Variants in ANKS1A observed in about 807,000 individuals in gnomAD.
ANKS1A encodes ankyrin repeat and sterile alpha motif domain containing 1A.
In ANKS1A, 55 loss-of-function variants were observed where a neutral mutation model predicts 120.3. That is an observed-to-expected ratio of 0.46 (90% CI 0.37 to 0.57). ANKS1A has a LOEUF of 0.57. Among genes scored for constraint, ANKS1A ranks in the 20% least tolerant of loss-of-function variants. The pLI, the probability that ANKS1A is intolerant of heterozygous loss-of-function variation, is 0.00. For missense variants in ANKS1A, 1,123 were observed against 1,480.3 expected, an observed-to-expected ratio of 0.76 and a Z score of 3.96; for synonymous variants, 590 against 604.7, an observed-to-expected ratio of 0.98 and a Z score of 0.36.
rs9380474 is a variant in ANKS1A at position 34,950,377 on chromosome 6, C to G, written c.198-16862C>G. 2.6e-5 allele frequency among the ~76,000 whole-genome samples: 4 copies of G among 151,946 alleles called. No individual in the cohort carries two copies. In the East Asian group the frequency reaches 7.7e-4, roughly 29 times the overall value. On this transcript the variant is annotated intron_variant, in intron 1 of 23. Transcript: ENST00000360359. ...TCAGGTAGCTGGGATTACGGGCACC[C>G]GCCACCACGCCCAGCTAATTTTTGT...
At chr6:35,040,855 G>A (rs762252545) in intron 11 of ANKS1A, among the ~76,000 whole-genome samples, 37 of 152,270 alleles carry the variant, frequency 2.4e-4, no homozygotes, top group African/African-American at 8.2e-4. Flanking sequence ...CTTCTCTCCC[G>A]TAGACCTCAG....
At chr6:34,933,313 G>A (rs566269250) in intron 1 of ANKS1A, among the ~76,000 whole-genome samples, 1 of 152,164 alleles carries the variant, frequency 6.6e-6, no homozygotes, top group Non-Finnish European at 1.5e-5. Flanking sequence ...TTTGACACTT[G>A]CTATTAGTAA....
chr6:34,959,548 A>G (rs1396102827), intron 1 of ANKS1A, among the ~76,000 whole-genome samples: 1 of 152,236 alleles, frequency 6.6e-6, no homozygotes, highest in Non-Finnish European at 1.5e-5. Context: ...GATAGGATAA[A>G]TATTGTGGTG....
rs1273875728 is a variant in ANKS1A at position 35,078,653 on chromosome 6, C to T, written c.2280C>T (p.Pro760=). The T allele has an allele frequency of 1.9e-6, 3 of 1,601,424 alleles. No individual in the cohort carries two copies. The highest frequency in any genetic ancestry group is 1.7e-6 in the Non-Finnish European group (2 of 1,179,870). The part of the protein sequence containing the change: ...RKLLQAARSL[P]KVKALGYDGN... ...TGCTCCAGGCGGCACGCTCCCTACC[C>T]AAGGTGACCATCGCCGGCCCTGTAG... is the stretch of plus-strand genomic sequence containing the variant. The change falls in exon 14 of 24, where the codon CCC becomes CCT. Residue 760 remains proline (P), a synonymous_variant. Coordinates refer to ENST00000360359, the MANE Select transcript of ANKS1A (RefSeq NM_015245.3).
Position 35,017,616 on chromosome 6 carries a change from G to A in ANKS1A, c.1567G>A (p.Ala523Thr), listed in dbSNP as rs755087986. 34 of 1,613,668 alleles carry A rather than the reference G, an allele frequency of 2.1e-5. No homozygotes were observed. In the African/African-American group the frequency reaches 2.7e-4, roughly 13 times the overall value. The part of the protein sequence containing the change: ...GQDPFQLLCT[A>T]GQSHPDGSPQ... ...GGACCCTTTCCAGCTGCTCTGTACC[G>A]CTGGCCAGAGCCATCCAGACGGGTC... is the stretch of plus-strand genomic sequence containing the variant. The change falls in exon 11 of 24, where the codon GCT becomes ACT. Residue 523 changes from alanine to threonine, a missense_variant. By Grantham distance (58) the Ala-to-Thr change is moderately conservative (BLOSUM62 0). Coordinates refer to ENST00000360359, the MANE Select transcript of ANKS1A (RefSeq NM_015245.3).
chr6:34,951,432 A>C (rs2127493315), intron 1 of ANKS1A, among the ~76,000 whole-genome samples: 1 of 152,290 alleles, frequency 6.6e-6, no homozygotes, highest in Admixed American at 6.5e-5. Flanking sequence ...TAGACTTTGC[A>C]GCTAATATGT....
rs958129556 is a variant in ANKS1A, at chr6:35,044,212, G to A, written c.2011-9887G>A. Among the ~76,000 whole-genome samples, 5 of 152,196 alleles carry A rather than the reference G, an allele frequency of 3.3e-5. No individual in the cohort carries two copies. Among genetic ancestry groups the A allele is most frequent in the Non-Finnish European group, 5.9e-5 (4 of 68,026 alleles). ...CTGCCCAGTGTGGACATAGCCGTCC[G>A]CTGGCATCACTTACTGAGGGACAGG... On this transcript the variant is annotated intron_variant, in intron 11 of 23. Transcript: ENST00000360359. This position sits in a 1 kb window ranked among gnomAD's most constrained non-coding sequence, Gnocchi z 4.4.
At chr6:34,951,194 G>A (rs1017899485) in intron 1 of ANKS1A, among the ~76,000 whole-genome samples, 8 of 151,776 alleles carry the variant, frequency 5.3e-5, no homozygotes, top group East Asian at 1.9e-4. Context: ...GCCTTGCCTC[G>A]TTTTATAGAT....
chr6:35,008,043 G>A (rs949278600), intron 10 of ANKS1A, among the ~76,000 whole-genome samples: 1 of 152,154 alleles, frequency 6.6e-6, no homozygotes, highest in Non-Finnish European at 1.5e-5. Context: ...GAGATTTCAG[G>A]AAGAAGAGAA....
At chr6:34,993,544 G>A (rs1772686278) in intron 9 of ANKS1A, among the ~76,000 whole-genome samples, 1 of 152,222 alleles carries the variant, frequency 6.6e-6, no homozygotes, top group Non-Finnish European at 1.5e-5. Context: ...GCAGAGATTG[G>A]TGGAAGTAAT....
At chr6:35,059,789 C>T (rs1283227127) in intron 12 of ANKS1A, among the ~76,000 whole-genome samples, 1 of 152,184 alleles carries the variant, frequency 6.6e-6, no homozygotes, top group Non-Finnish European at 1.5e-5. Flanking sequence ...CTTCAGCACG[C>T]ACGCTGATGA....
At chr6:34,957,544 T>C (rs1426765791) in intron 1 of ANKS1A, among the ~76,000 whole-genome samples, 1 of 152,182 alleles carries the variant, frequency 6.6e-6, no homozygotes, top group African/African-American at 2.4e-5. Flanking sequence ...AAGAAAACAT[T>C]GAAAGCCTTT....
chr6:35,038,277 A>G (rs1042100996), intron 11 of ANKS1A: 2 of 456,622 alleles, frequency 4.4e-6, no homozygotes, highest in Admixed American at 2.3e-5. Context: ...CCGCTGGCAC[A>G]TTGTTTGCAT....
chr6:34,894,284 G>C (rs1057261327), intron 1 of ANKS1A, among the ~76,000 whole-genome samples: 1 of 152,144 alleles, frequency 6.6e-6, no homozygotes, highest in Non-Finnish European at 1.5e-5. Context: ...TCCTGTATAA[G>C]AATATTGTAA....
intron 11 of ANKS1A, among the ~76,000 whole-genome samples, chr6:35,026,215 T>C (rs1342261815): frequency 6.6e-6 from 1 of 152,212 alleles, no homozygotes; most frequent in African/African-American, 2.4e-5. Context: ...GAGTGCGTGA[T>C]TTTGTATGAC....
intron 11 of ANKS1A, among the ~76,000 whole-genome samples, chr6:35,047,824 C>T (rs1394220927): frequency 6.6e-6 from 1 of 152,128 alleles, no homozygotes; most frequent in Non-Finnish European, 1.5e-5. Flanking sequence ...GTATTGGTTC[C>T]GTGTATTTCC....
At chr6:35,056,434 GC>G (rs1443645465) in intron 12 of ANKS1A, among the ~76,000 whole-genome samples, 1 of 152,114 alleles carries the variant, frequency 6.6e-6, no homozygotes, top group African/African-American at 2.4e-5. Context: ...GACTACAGGC[GC>G]CCGCCACCAC....
chr6:35,068,066 G>C (rs1377461899), intron 13 of ANKS1A, among the ~76,000 whole-genome samples: 1 of 151,880 alleles, frequency 6.6e-6, no homozygotes, highest in Non-Finnish European at 1.5e-5. Flanking sequence ...GCTAATTTTT[G>C]TATTTTTAGT....
chr6:34,908,201 A>T (rs1178295967), intron 1 of ANKS1A, among the ~76,000 whole-genome samples: 2 of 151,918 alleles, frequency 1.3e-5, no homozygotes, highest in Non-Finnish European at 2.9e-5. Context: ...TGGTCTGGAG[A>T]CCCCTCTCCT....
Sources: gnomAD v4.1 joint callset for allele counts (sites outside exome capture counted in the v4.1 genomes callset) on GRCh38, gnomAD v4.1.1 for gene constraint, Gnocchi (gnomAD v3.1) non-coding constraint, MANE v1.5 for transcripts, NCBI Gene and HGNC (gene_info 2026-07-23, HGNC 2026-07-21) for gene names.